SNX29: variants seen among roughly 807,000 people sequenced by gnomAD.
SNX29 encodes sorting nexin 29.
SNX29 carries 78 observed loss-of-function variants against 102.1 expected under a neutral mutation model. The ratio of observed to expected loss-of-function variants is 0.76; its 90% CI spans 0.64 to 0.92. The LOEUF (loss-of-function observed/expected upper bound fraction) is 0.92. SNX29 is among the 40% of genes least tolerant of loss of function. The pLI is 0.00. For missense variants in SNX29, 1,280 were observed against 1,061.7 expected, an observed-to-expected ratio of 1.21 and a Z score of -2.86; for synonymous variants, 580 against 414.5, an observed-to-expected ratio of 1.40 and a Z score of -4.85.
At chr16:12,101,045 G>A (rs1003449649) in intron 11 of SNX29, among the ~76,000 whole-genome samples, 1 of 152,262 alleles carries the variant, frequency 6.6e-6, no homozygotes. Flanking sequence ...GACGAAGAGT[G>A]CCACGAAGAG....
chr16:12,524,975 C>A, intron 20 of SNX29, 134 bp downstream of exon 20: 3 of 1,299,990 alleles, frequency 2.3e-6, no homozygotes, highest in Non-Finnish European at 3.1e-6. Context: ...ACTCCAGGGG[C>A]TGTTCCAGGT....
rs572923015 is a variant in SNX29, at chr16:12,550,810, A to G, written c.2319-17696A>G. Among the ~76,000 whole-genome samples the G allele has an allele frequency of 3.3e-4, 51 of 152,258 alleles. 1 individual carries two copies. Among genetic ancestry groups the G allele is most frequent in the Non-Finnish European group, 5.7e-4 (39 of 68,018 alleles). ...AGATAAGGAAGAGGGAGCCAAGAAT[A>G]TGTGTTAATTTACCTTTTTACAGAT... is the stretch of plus-strand genomic sequence containing the variant. On this transcript the variant is annotated intron_variant, in intron 20 of 20. Coordinates refer to ENST00000566228, the MANE Select transcript of SNX29 (RefSeq NM_032167.5).
At chr16:12,069,697 C>G (rs2051200471) in intron 10 of SNX29, among the ~76,000 whole-genome samples, 1 of 151,850 alleles carries the variant, frequency 6.6e-6, no homozygotes, top group Non-Finnish European at 1.5e-5. Flanking sequence ...TTGTTATTTT[C>G]TTTTTTTCTT....
At chr16:12,383,019 A>G (rs1011492615) in intron 16 of SNX29, among the ~76,000 whole-genome samples, 1 of 152,144 alleles carries the variant, frequency 6.6e-6, no homozygotes, top group African/African-American at 2.4e-5. Flanking sequence ...ATGTGGACAT[A>G]TCTTTTTGGA....
chr16:12,309,709 T>C (rs543343690), intron 15 of SNX29, among the ~76,000 whole-genome samples: 1 of 152,286 alleles, frequency 6.6e-6, no homozygotes, highest in South Asian at 2.1e-4. Context: ...TTGAAGTGAA[T>C]GTGTTCAACA....
intron 13 of SNX29, among the ~76,000 whole-genome samples, chr16:12,193,877 C>CT (rs1235358362): frequency 2.0e-5 from 3 of 152,298 alleles, no homozygotes; most frequent in Admixed American, 6.5e-5. Context: ...ATGACATTGG[C>CT]TTGAGGGCTG....
chr16:12,278,362 A>T (rs1437520947), intron 15 of SNX29, among the ~76,000 whole-genome samples: 1 of 152,242 alleles, frequency 6.6e-6, no homozygotes, highest in Non-Finnish European at 1.5e-5. Flanking sequence ...TTGTGCTGTT[A>T]AATGTGAAAA....
chr16:12,309,570 C>T (rs562828790), intron 15 of SNX29, among the ~76,000 whole-genome samples: 1 of 152,162 alleles, frequency 6.6e-6, no homozygotes, highest in Non-Finnish European at 1.5e-5. Flanking sequence ...CAGAGACTGA[C>T]TTGTTCACCA....
At chr16:12,250,211 G>A (rs2078380714) in intron 14 of SNX29, among the ~76,000 whole-genome samples, 1 of 152,218 alleles carries the variant, frequency 6.6e-6, no homozygotes, top group Non-Finnish European at 1.5e-5. Flanking sequence ...AGACAAGAGC[G>A]GGCACGGGAG....
At chr16:12,417,194 C>G (rs573645671) in intron 18 of SNX29, among the ~76,000 whole-genome samples, 1 of 152,340 alleles carries the variant, frequency 6.6e-6, no homozygotes, top group Admixed American at 6.5e-5. Flanking sequence ...ATGAAACTTG[C>G]ATTTCCCTCA....
intron 15 of SNX29, among the ~76,000 whole-genome samples, chr16:12,350,989 C>T (rs2081976999): frequency 6.6e-6 from 1 of 152,214 alleles, no homozygotes. Flanking sequence ...GGATCATCTT[C>T]CTACCATATC....
intron 19 of SNX29, among the ~76,000 whole-genome samples, chr16:12,523,538 T>G (rs1350000540): frequency 1.3e-5 from 2 of 152,196 alleles, no homozygotes; most frequent in Non-Finnish European, 2.9e-5. Flanking sequence ...GGAGCAGGAT[T>G]GGCTATGGAA....
chr16:12,019,783 C>T (rs941462556), intron 3 of SNX29, among the ~76,000 whole-genome samples: 11 of 151,668 alleles, frequency 7.3e-5, no homozygotes, highest in African/African-American at 2.4e-4. Flanking sequence ...ATTACAGGCA[C>T]GTACCACCAC....
In SNX29 at chr16:12,442,249, T is replaced by C. The variant is rs550877807; in HGVS notation, c.2038-35470T>C. Among the ~76,000 whole-genome samples the C allele has an allele frequency of 3.3e-5, 5 of 152,350 alleles. No homozygotes were observed. In the East Asian group the frequency reaches 9.6e-4, roughly 29 times the overall value. Reference sequence around the variant, plus strand: ...GACTATAGATGAATGGGTTTGTTTCTGGACTCTTGACTCTGTCCCTTGCAT... The same window carrying C: ...GACTATAGATGAATGGGTTTGTTTCCGGACTCTTGACTCTGTCCCTTGCAT... On this transcript the variant is annotated intron_variant, in intron 18 of 20. Transcript: ENST00000566228.
chr16:12,555,821 C>A (rs867671697), intron 20 of SNX29, among the ~76,000 whole-genome samples: 1 of 152,218 alleles, frequency 6.6e-6, no homozygotes, highest in Non-Finnish European at 1.5e-5. Context: ...AAGAAAGGTG[C>A]TCCAGCTGAC....
At chr16:12,517,572 C>G (rs1362143163) in intron 19 of SNX29, among the ~76,000 whole-genome samples, 1 of 148,734 alleles carries the variant, frequency 6.7e-6, no homozygotes, top group Non-Finnish European at 1.5e-5. Flanking sequence ...CTAATTTTAT[C>G]CCAACAGGTA....
intron 20 of SNX29, among the ~76,000 whole-genome samples, chr16:12,538,348 C>A (rs1282688298): frequency 6.6e-6 from 1 of 152,190 alleles, no homozygotes; most frequent in Non-Finnish European, 1.5e-5. Context: ...TCTCGGTCTT[C>A]CAAAGTGCTG....
chr16:12,569,874 G>T lies in SNX29; in HGVS notation c.*1245G>T, dbSNP rs148569408. ...ATGTCGTGAAATGGACTATGCAAGA[G>T]TAAGTTTGTGTGTTTCGCCTTAATC... On this transcript the variant is annotated 3_prime_UTR_variant, in exon 21 of 21. Transcript: ENST00000566228. 5 of 231,354 alleles carry T rather than the reference G, an allele frequency of 2.2e-5. No homozygotes were observed. Among genetic ancestry groups the T allele is most frequent in the Non-Finnish European group, 4.3e-5 (5 of 116,910 alleles). The allele number at this position is 231,354 out of a possible 1,614,324, so 14.3% of individuals were successfully genotyped here. A position where few individuals can be genotyped will look rare whatever the true frequency, so the allele number is the denominator to read the frequency against.
chr16:12,132,558 G>A (rs1298121179), intron 13 of SNX29, among the ~76,000 whole-genome samples: 1 of 152,236 alleles, frequency 6.6e-6, no homozygotes, highest in Non-Finnish European at 1.5e-5. Flanking sequence ...AGCTGAAGGG[G>A]CTGAATGAGG....
Sources: allele counts gnomAD v4.1 joint callset (sites outside exome capture counted in the v4.1 genomes callset), GRCh38; gene constraint gnomAD v4.1.1; transcripts MANE v1.5; gene names NCBI Gene and HGNC (gene_info 2026-07-23, HGNC 2026-07-21).